Variants in PRKCH observed in about 807,000 individuals in gnomAD.
The protein encoded by PRKCH is protein kinase C eta type.
In PRKCH, 28 loss-of-function variants were observed where a neutral mutation model predicts 82.5. The observed-to-expected ratio is 0.34, with a 90% CI of 0.25 to 0.47. PRKCH has a LOEUF of 0.47. Ranked by LOEUF, PRKCH falls within the 20% of genes least tolerant of loss-of-function variation. The probability of loss-of-function intolerance (pLI) is 1.00; values close to 1 mark genes in which losing one functional copy is unlikely to be tolerated. For synonymous variants in PRKCH, 322 were observed against 327.4 expected, an observed-to-expected ratio of 0.98 and a Z score of 0.18; for missense variants, 705 against 881.8, an observed-to-expected ratio of 0.80 and a Z score of 2.54.
At chr14:61,256,977 C>G (rs2045003070) in intron 1 of PRKCH, among the ~76,000 whole-genome samples, 1 of 152,192 alleles carries the variant, frequency 6.6e-6, no homozygotes, top group African/African-American at 2.4e-5. Flanking sequence ...CGCCATGTCT[C>G]TTTATGGAGA....
chr14:61,493,554 C>G (rs1233365762), intron 10 of PRKCH, among the ~76,000 whole-genome samples: 1 of 152,192 alleles, frequency 6.6e-6, no homozygotes, highest in Admixed American at 6.5e-5. Flanking sequence ...TAAAAATCAG[C>G]ATTCCATTAT....
At chr14:61,420,639 C>T (rs1421375354) in intron 2 of PRKCH, among the ~76,000 whole-genome samples, 1 of 151,686 alleles carries the variant, frequency 6.6e-6, no homozygotes, top group East Asian at 1.9e-4. Flanking sequence ...GATCTCTGGG[C>T]ACATACAGCA....
chr14:61,455,007 A>G (rs1439305958), intron 7 of PRKCH, among the ~76,000 whole-genome samples: 3 of 151,802 alleles, frequency 2.0e-5, no homozygotes, highest in Non-Finnish European at 2.9e-5. Flanking sequence ...ACTCCTGCCT[A>G]GTAGATCAGG....
intron 10 of PRKCH, among the ~76,000 whole-genome samples, chr14:61,526,309 C>T (rs1345076416): frequency 1.3e-5 from 2 of 152,202 alleles, no homozygotes; most frequent in Admixed American, 6.5e-5. Flanking sequence ...AAGCTTGCTT[C>T]GCTGAAGTGG....
intron 1 of PRKCH, among the ~76,000 whole-genome samples, chr14:61,289,200 C>T (rs1465101042): frequency 6.6e-6 from 1 of 152,204 alleles, no homozygotes; most frequent in Non-Finnish European, 1.5e-5. Context: ...AAGAACATCT[C>T]TAAACCCAAG....
intron 1 of PRKCH, among the ~76,000 whole-genome samples, chr14:61,261,260 GA>G (rs962385493): frequency 6.6e-6 from 1 of 152,150 alleles, no homozygotes; most frequent in South Asian, 2.1e-4. Context: ...AAGGGCAAGG[GA>G]AAAAAATCAA....
intron 1 of PRKCH, among the ~76,000 whole-genome samples, chr14:61,364,784 G>A (rs550728051): frequency 6.6e-6 from 1 of 152,164 alleles, no homozygotes; most frequent in South Asian, 2.1e-4. Flanking sequence ...AGGCTGCAGT[G>A]AGCCATGATT....
chr14:61,199,254 A>G (rs1225009218), intron 1 of PRKCH, among the ~76,000 whole-genome samples: 1 of 152,224 alleles, frequency 6.6e-6, no homozygotes, highest in Non-Finnish European at 1.5e-5. Flanking sequence ...ACTCTTGCAT[A>G]GATTTAATAA....
chr14:61,281,764 C>G (rs553160431), intron 1 of PRKCH: 1 of 162,676 alleles, frequency 6.1e-6, no homozygotes, highest in African/African-American at 2.4e-5. Flanking sequence ...TTTAGGTTAG[C>G]TTCACAAACC....
chr14:61,443,157 C>T lies in PRKCH; in HGVS notation c.474C>T (p.Arg158=). ...TCTTCAAACATTTTACCAGGAAGCG[C>T]CAAAGGGCTATGCGAAGGCGAGTCC... The part of the protein sequence containing the change: ...DRIFKHFTRK[R]QRAMRRRVHQ... Residue 158 remains arginine (R), a synonymous_variant, in exon 3 of 14, where the codon CGC becomes CGT. Transcript: ENST00000332981. The T allele has an allele frequency of 6.2e-7, 1 of 1,614,034 alleles. No individual in the cohort carries two copies. Among genetic ancestry groups the T allele is most frequent in the Non-Finnish European group, 8.5e-7 (1 of 1,179,938 alleles).
intron 7 of PRKCH, 43 bp from the exon 8 acceptor site, chr14:61,457,133 C>T (rs1368836018): frequency 1.9e-6 from 3 of 1,603,310 alleles, no homozygotes; most frequent in African/African-American, 1.3e-5. Flanking sequence ...GTGCTCCATG[C>T]TTCTGCTGCA....
chr14:61,285,957 A>T (rs1043185299), intron 1 of PRKCH, among the ~76,000 whole-genome samples: 3 of 152,250 alleles, frequency 2.0e-5, no homozygotes, highest in Admixed American at 2.0e-4. Flanking sequence ...TCCCAGGAAC[A>T]GCTGAGTTGC....
chr14:61,549,980 T>G lies in PRKCH; in HGVS notation c.*149T>G. ...TGAAGAACTCTGTGAAGGATGGAAC[T>G]TTCAGATATCAACTATTTAGAGTCC... On this transcript the variant is annotated 3_prime_UTR_variant, in exon 14 of 14. Transcript: ENST00000332981. 1.3e-6 allele frequency: 1 copy of G among 797,246 alleles called. No individual in the cohort carries two copies. The highest frequency in any genetic ancestry group is 2.6e-5 in the East Asian group (1 of 38,980). The allele number at this position is 797,246 out of a possible 1,614,324, so 49.4% of individuals were successfully genotyped here. A position where few individuals can be genotyped will look rare whatever the true frequency, so the allele number is the denominator to read the frequency against.
At chr14:61,524,838 A>G (rs577697116) in intron 10 of PRKCH, among the ~76,000 whole-genome samples, 2 of 152,342 alleles carry the variant, frequency 1.3e-5, no homozygotes, top group South Asian at 2.1e-4. Flanking sequence ...GCTTCATCAA[A>G]GAGAAGAATT....
intron 1 of PRKCH, among the ~76,000 whole-genome samples, chr14:61,329,234 C>CTTTTTTT (rs71117812): frequency 0.029 from 1,828 of 63,428 alleles, 460 homozygotes; most frequent in Middle Eastern, 0.088. Flanking sequence ...ACTCCTGAGT[C>CTTTTTTT]TTTTTTTTTT....
At chr14:61,337,631 G>GC (rs1306158395) in intron 1 of PRKCH, among the ~76,000 whole-genome samples, 3 of 152,124 alleles carry the variant, frequency 2.0e-5, no homozygotes, top group African/African-American at 7.2e-5. Context: ...TCACTATGTT[G>GC]CCCAGGCTGC....
intron 2 of PRKCH, among the ~76,000 whole-genome samples, chr14:61,410,179 G>A (rs193038550): frequency 7.8e-4 from 119 of 152,252 alleles, no homozygotes; most frequent in Non-Finnish European, 1.1e-3. Context: ...CATCTCTTGA[G>A]TCTGTGAGCA....
chr14:61,234,239 A>G (rs1042432323), intron 1 of PRKCH, among the ~76,000 whole-genome samples: 1 of 152,134 alleles, frequency 6.6e-6, no homozygotes, highest in African/African-American at 2.4e-5. Flanking sequence ...AAACACAGTT[A>G]CCATTTCTTG....
At chr14:61,468,337 C>CT (rs779049434) in intron 9 of PRKCH, among the ~76,000 whole-genome samples, 5 of 151,986 alleles carry the variant, frequency 3.3e-5, no homozygotes, top group Non-Finnish European at 5.9e-5. Flanking sequence ...AGTGTTCCAT[C>CT]TTTTTTTTAG....
Sources: allele counts gnomAD v4.1 joint callset (sites outside exome capture counted in the v4.1 genomes callset), GRCh38; gene constraint gnomAD v4.1.1; transcripts MANE v1.5; gene names NCBI Gene and HGNC (gene_info 2026-07-23, HGNC 2026-07-21).